The following NRG2 variants were observed in gnomAD, a reference collection of about 807,000 sequenced individuals.
NRG2 encodes pro-neuregulin-2, membrane-bound isoform.
In NRG2, 27 loss-of-function variants were observed where a neutral mutation model predicts 73.9. The observed-to-expected ratio is 0.37, with a 90% CI of 0.27 to 0.50. NRG2 has a LOEUF of 0.50. Among genes scored for constraint, NRG2 ranks in the 20% least tolerant of loss-of-function variants. NRG2 has a pLI of 0.96. For missense variants in NRG2, 1,126 were observed against 1,210.1 expected (o/e 0.93, Z 1.03); for synonymous variants, 532 against 541.0 (o/e 0.98, Z 0.23).
chr5:140,015,155 AT>A (rs34659603), intron 1 of NRG2, among the ~76,000 whole-genome samples: 39,314 of 150,604 alleles, frequency 0.26, 5,737 homozygotes, highest in African/African-American at 0.39. Context: ...ACCTCCCTCC[AT>A]TTTTTTTTCT....
chr5:139,956,365 C>G (rs1015584049), intron 1 of NRG2, among the ~76,000 whole-genome samples: 5 of 151,136 alleles, frequency 3.3e-5, no homozygotes, highest in African/African-American at 1.2e-4. Context: ...TCTCCCCCCT[C>G]TCTGACTTTT....
chr5:139,848,769 G>GGGT, intron 9 of NRG2, 72 bp from the exon 10 acceptor site: 1 of 235,720 alleles, frequency 4.2e-6, no homozygotes, highest in Non-Finnish European at 8.0e-6. Context: ...TTGGGGGTGG[G>GGGT]GTAGGGTGGG....
At chr5:139,876,732 G>C (rs1395677780) in intron 3 of NRG2, among the ~76,000 whole-genome samples, 2 of 151,942 alleles carry the variant, frequency 1.3e-5, no homozygotes, top group African/African-American at 4.8e-5. Flanking sequence ...TATCCATCGA[G>C]GCCCCTTTCC....
chr5:139,848,310 C>T lies in NRG2; in HGVS notation c.2160G>A (p.Ala720=). 8.5e-7 allele frequency: 1 copy of T among 1,178,618 alleles called. No homozygotes were observed. 73.0% of individuals were successfully genotyped at this position (1,178,618 alleles called of 1,614,324 possible). The change falls in exon 10 of 10, where the codon GCG becomes GCA. Residue 720 remains alanine (A), a synonymous_variant. Coordinates refer to ENST00000361474, the MANE Select transcript of NRG2 (RefSeq NM_004883.3). ...DDEYETTQEC[A]PPPPPRPRAR... ...CGCGCGGCCGCGGCGGCGGCGGGGG[C>T]GCGCACTCCTGCGTGGTCTCGTACT...
intron 1 of NRG2, among the ~76,000 whole-genome samples, chr5:139,917,347 G>A (rs547595635): frequency 3.3e-5 from 5 of 152,132 alleles, no homozygotes; most frequent in Admixed American, 1.3e-4. Context: ...GACCTCCCGG[G>A]CTCAAACGAT....
At chr5:139,877,789 C>T (rs992532795) in intron 3 of NRG2, among the ~76,000 whole-genome samples, 1 of 152,230 alleles carries the variant, frequency 6.6e-6, no homozygotes, top group Non-Finnish European at 1.5e-5. Context: ...AGTTCAGCCC[C>T]ACAACGGGAA....
At chr5:139,966,067 T>A (rs1027796232) in intron 1 of NRG2, among the ~76,000 whole-genome samples, 1 of 152,212 alleles carries the variant, frequency 6.6e-6, no homozygotes, top group East Asian at 1.9e-4. Context: ...TTATTTACTA[T>A]GGTATCCCCA....
At position 140,043,190 on chromosome 5, in the gene NRG2, C is replaced by CTG; in HGVS notation, c.-122_-121insCA. 3 of 1,214,874 alleles carry CTG rather than the reference C, an allele frequency of 2.5e-6. No homozygotes were observed. Among genetic ancestry groups the CTG allele is most frequent in the Non-Finnish European group, 3.3e-6 (3 of 905,596 alleles). 75.3% of individuals were successfully genotyped at this position (1,214,874 alleles called of 1,614,324 possible). ...GCGCCTCTTAGCCCTCCACCGGCAG[C>CTG]CCGGGGAGGTGGCCCAGCTAGGGCA... On this transcript the variant is annotated 5_prime_UTR_variant, in exon 1 of 10. Coordinates refer to ENST00000361474, the MANE Select transcript of NRG2 (RefSeq NM_004883.3). This position sits in a 1 kb window ranked among gnomAD's most constrained non-coding sequence, Gnocchi z 6.7.
chr5:139,873,382 A>G (rs1762981023), intron 3 of NRG2, among the ~76,000 whole-genome samples: 1 of 152,218 alleles, frequency 6.6e-6, no homozygotes, highest in East Asian at 1.9e-4. Context: ...AGGGACAGAG[A>G]AGAGAAGCAG....
At chr5:139,880,200 G>A (rs1763436120) in intron 3 of NRG2, among the ~76,000 whole-genome samples, 1 of 152,146 alleles carries the variant, frequency 6.6e-6, no homozygotes, top group South Asian at 2.1e-4. Context: ...TTGGCGGAGA[G>A]GCAATCTCCC....
intron 1 of NRG2, among the ~76,000 whole-genome samples, chr5:139,934,276 A>C (rs991559425): frequency 6.6e-6 from 1 of 152,232 alleles, no homozygotes; most frequent in African/African-American, 2.4e-5. Context: ...TTAAAAGATA[A>C]TGATTTAAGG....
intron 1 of NRG2, among the ~76,000 whole-genome samples, chr5:140,013,323 C>G (rs567084517): frequency 6.6e-6 from 1 of 152,332 alleles, no homozygotes; most frequent in Non-Finnish European, 1.5e-5. Flanking sequence ...CTCACCTTCC[C>G]ACACCATTAA....
intron 1 of NRG2, among the ~76,000 whole-genome samples, chr5:139,965,301 G>A (rs1755413089): frequency 6.6e-6 from 1 of 152,166 alleles, no homozygotes. Context: ...TACCCCAGAG[G>A]GACACCCCGA....
chr5:139,934,281 T>A (rs1255469961), intron 1 of NRG2, among the ~76,000 whole-genome samples: 3 of 152,142 alleles, frequency 2.0e-5, no homozygotes, highest in African/African-American at 7.2e-5. Context: ...AGATAATGAT[T>A]TAAGGCAAAA....
chr5:139,983,452 C>T (rs1176654769), intron 1 of NRG2, among the ~76,000 whole-genome samples: 1 of 152,198 alleles, frequency 6.6e-6, no homozygotes, highest in Non-Finnish European at 1.5e-5. Context: ...AGGGCTTTTC[C>T]AGGTCAGAGC....
intron 3 of NRG2, among the ~76,000 whole-genome samples, chr5:139,873,570 C>G (rs541167381): frequency 9.8e-5 from 15 of 152,360 alleles, no homozygotes; most frequent in South Asian, 6.2e-4. Context: ...GGCTGTACAT[C>G]CTCCCCATCA....
chr5:139,885,490 G>C (rs900315532), intron 2 of NRG2, among the ~76,000 whole-genome samples: 13 of 152,232 alleles, frequency 8.5e-5, no homozygotes, highest in African/African-American at 2.7e-4. Flanking sequence ...TGGAGGACGA[G>C]AGTGCGCAGT....
chr5:139,881,064 A>G (rs570514277), intron 2 of NRG2, 90 bp from the exon 3 acceptor site: 3 of 1,017,968 alleles, frequency 2.9e-6, no homozygotes, highest in African/African-American at 3.2e-5. Flanking sequence ...CTCTCTCCAC[A>G]GAGCCACAGT....
At chr5:139,980,546 TC>T (rs1462547503) in intron 1 of NRG2, among the ~76,000 whole-genome samples, 1 of 152,082 alleles carries the variant, frequency 6.6e-6, no homozygotes, top group Non-Finnish European at 1.5e-5. Flanking sequence ...TGCCCACCAT[TC>T]CCCTGGCAGA....
Sources: gnomAD v4.1 joint callset for allele counts (sites outside exome capture counted in the v4.1 genomes callset) on GRCh38, gnomAD v4.1.1 for gene constraint, Gnocchi (gnomAD v3.1) non-coding constraint, MANE v1.5 for transcripts, NCBI Gene and HGNC (gene_info 2026-07-23, HGNC 2026-07-21) for gene names.